The following TAF1 variants were observed in gnomAD, a reference collection of about 807,000 sequenced individuals.
TAF1 encodes TATA-box binding protein associated factor 1, also known as transcription initiation factor TFIID subunit 1.
A neutral mutation model predicts 138.5 loss-of-function variants in TAF1; 2 were observed. The observed-to-expected ratio is 0.01, with a 90% confidence interval of 0.01 to 0.05. The LOEUF is 0.05. Among genes scored for constraint, TAF1 ranks in the 10% least tolerant of loss-of-function variants. The probability of loss-of-function intolerance (pLI) is 1.00; values close to 1 mark genes in which losing one functional copy is unlikely to be tolerated. For missense variants in TAF1, 709 were observed against 1,478.0 expected (o/e 0.48, Z 8.53); for synonymous variants, 437 against 503.2 (o/e 0.87, Z 1.76).
At chrX:71,371,097 T>C (rs777095800) in intron 3 of TAF1, among the ~76,000 whole-genome samples, 1 of 111,637 alleles carries the variant, frequency 9.0e-6, no homozygotes, top group South Asian at 3.7e-4. Flanking sequence ...TCCAGGTTTG[T>C]GTTTGTTGTC....
intron 13 of TAF1, among the ~76,000 whole-genome samples, chrX:71,509,300 A>G (rs1279955624): frequency 8.9e-6 from 1 of 111,775 alleles, no homozygotes; most frequent in African/African-American, 3.3e-5. Context: ...CAAATGAAAA[A>G]TTATCAGGGT....
chrX:71,433,163 G>C (rs2036974018), intron 32 of TAF1, among the ~76,000 whole-genome samples: 1 of 112,415 alleles, frequency 8.9e-6, no homozygotes, highest in African/African-American at 3.2e-5. Context: ...GGAGTTGAAA[G>C]TTCCAGAGGT....
intron 36 of TAF1, among the ~76,000 whole-genome samples, chrX:71,460,058 G>C (rs938657504): frequency 2.7e-5 from 3 of 111,703 alleles, no homozygotes; most frequent in Non-Finnish European, 5.6e-5. Context: ...AGGCAACATA[G>C]CGAGACCCTG....
chrX:71,470,506 G>T (rs2038863268), downstream of TAF1, among the ~76,000 whole-genome samples: 1 of 109,044 alleles, frequency 9.2e-6, no homozygotes. Flanking sequence ...CTCCCAAAGT[G>T]CTGGGATTAC....
rs191893839 is a variant in TAF1 at position 71,382,142 on chromosome X, A to G, written c.1537+223A>G. ...AAAGTTGCAACTTTGAGATGTCAAG[A>G]GCATAGTTTGTTCCGTTAGTGAATC... On this transcript the variant is annotated intron_variant, in intron 9 of 37. Coordinates refer to ENST00000423759, the MANE Select transcript of TAF1 (RefSeq NM_004606.5). 5.5e-3 allele frequency among the ~76,000 whole-genome samples: 616 copies of G among 112,173 alleles called. 4 individuals carry two copies. Among genetic ancestry groups the G allele is most frequent in the Non-Finnish European group, 9.4e-3 (500 of 53,287 alleles).
In TAF1 at chrX:71,409,748, A is replaced by G. The variant is rs762351777; in HGVS notation, c.4384+1597A>G. On this transcript the variant is annotated intron_variant, in intron 28 of 37. Coordinates refer to ENST00000423759, the MANE Select transcript of TAF1 (RefSeq NM_004606.5). The stretch of plus-strand genomic sequence containing the variant: ...CCAATAACTGGCTCCCATACCCACT[A>G]TCGACCCCTGCCACACTCAGCATTA... 3.9e-3 allele frequency among the ~76,000 whole-genome samples: 433 copies of G among 111,067 alleles called. 3 individuals are homozygous for G. Among genetic ancestry groups the G allele is most frequent in the African/African-American group, 0.013 (410 of 30,577 alleles).
Position 71,398,833 on chromosome X carries a change from G to A in TAF1, c.3786+96G>A, listed in dbSNP as rs2034999406. Reference sequence around the variant, plus strand: ...GATATCCTCCTTTACTGGGAATGAGGGAAGTATATTGTGGAAAGCTGGTTT... The same window carrying A: ...GATATCCTCCTTTACTGGGAATGAGAGAAGTATATTGTGGAAAGCTGGTTT... On this transcript the variant is annotated intron_variant, in intron 24 of 37. Coordinates refer to ENST00000423759, the MANE Select transcript of TAF1 (RefSeq NM_004606.5). 33 of 1,067,675 alleles carry A rather than the reference G, an allele frequency of 3.1e-5. No individual in the cohort carries two copies. In the South Asian group the frequency reaches 8.5e-4, roughly 28 times the overall value. The allele number at this position is 1,067,675 out of a possible 1,213,427, so 88.0% of individuals were successfully genotyped here. A position where few individuals can be genotyped will look rare whatever the true frequency, so the allele number is the denominator to read the frequency against.
At chrX:71,380,227 T>A (rs2033794180) in intron 8 of TAF1, among the ~76,000 whole-genome samples, 1 of 110,755 alleles carries the variant, frequency 9.0e-6, no homozygotes, top group Non-Finnish European at 1.9e-5. Flanking sequence ...CATTTTTTAT[T>A]TTTCATTGTT....
intron 13 of TAF1, among the ~76,000 whole-genome samples, chrX:71,477,904 G>A (rs1004169854): frequency 7.2e-5 from 8 of 110,490 alleles, no homozygotes; most frequent in Non-Finnish European, 1.5e-4. Context: ...TAAGGCAGGA[G>A]ACTCACTTGA....
intron 32 of TAF1, among the ~76,000 whole-genome samples, chrX:71,445,832 G>A (rs1043955168): frequency 2.7e-5 from 3 of 110,518 alleles, no homozygotes; most frequent in Non-Finnish European, 3.8e-5. Context: ...ATGGATGTAT[G>A]TATCATAATT....
chrX:71,519,322 CA>C (rs771786502), intron 13 of TAF1, among the ~76,000 whole-genome samples: 261 of 56,919 alleles, frequency 4.6e-3, no homozygotes, highest in Middle Eastern at 0.011. Flanking sequence ...GACTCCGTCT[CA>C]AAAAAAAAAA....
chrX:71,464,684 C>T lies in TAF1; in HGVS notation c.*638C>T, dbSNP rs756886283. On this transcript the variant is annotated 3_prime_UTR_variant, in exon 38 of 38. Transcript: ENST00000423759. ...TCACGCCACTGCACTCCAGCCTGGG[C>T]GAAAGAGTGAGATTCAGTCTCAAAA... 24 of 125,100 alleles carry T rather than the reference C, an allele frequency of 1.9e-4. No homozygotes were observed. The highest frequency in any genetic ancestry group is 7.2e-4 in the African/African-American group (22 of 30,655). The allele number at this position is 125,100 out of a possible 1,213,427, so 10.3% of individuals were successfully genotyped here. A position where few individuals can be genotyped will look rare whatever the true frequency, so the allele number is the denominator to read the frequency against.
intron 1 of TAF1, 21 bp downstream of exon 1, chrX:71,366,515 G>T (rs1354819492): frequency 1.3e-4 from 55 of 418,634 alleles, no homozygotes; most frequent in Non-Finnish European, 1.9e-4. Flanking sequence ...GGGCGTGGGG[G>T]TAGGGCTCGG....
chrX:71,413,095 A>G (rs757281861), intron 28 of TAF1, among the ~76,000 whole-genome samples: 1 of 111,530 alleles, frequency 9.0e-6, no homozygotes, highest in East Asian at 2.8e-4. Context: ...GGATGTTCAC[A>G]TATTTGCAGA....
intron 25 of TAF1, among the ~76,000 whole-genome samples, chrX:71,402,474 A>G (rs974211466): frequency 1.8e-5 from 2 of 111,866 alleles, no homozygotes; most frequent in African/African-American, 6.5e-5. Context: ...CTTGTCCTCA[A>G]GTGATTCTCC....
At chrX:71,507,374 G>A (rs1005957660) in intron 13 of TAF1, among the ~76,000 whole-genome samples, 3 of 110,687 alleles carry the variant, frequency 2.7e-5, no homozygotes, top group African/African-American at 9.9e-5. Context: ...GGGACTACAG[G>A]TGTACCCCAC....
chrX:71,397,114 G>A, intron 22 of TAF1, 139 bp from the exon 23 acceptor site: 1 of 614,979 alleles, frequency 1.6e-6, no homozygotes, highest in Non-Finnish European at 2.6e-6. Flanking sequence ...TATTCTTGGG[G>A]CTGATGATGA....
chrX:71,506,512 G>A (rs549311221), intron 13 of TAF1, among the ~76,000 whole-genome samples: 6 of 107,908 alleles, frequency 5.6e-5, no homozygotes, highest in African/African-American at 1.7e-4. Context: ...GTGAAACCCC[G>A]TCTCTACTAT....
intron 13 of TAF1, among the ~76,000 whole-genome samples, chrX:71,508,086 C>CTCTCTCTA (rs4040068): frequency 1.0e-3 from 95 of 92,166 alleles, no homozygotes; most frequent in African/African-American, 2.1e-3. Context: ...CTCTCTCTCT[C>CTCTCTCTA]TATATATATA....
Sources: allele counts gnomAD v4.1 joint callset (sites outside exome capture counted in the v4.1 genomes callset), GRCh38; gene constraint gnomAD v4.1.1; transcripts MANE v1.5; gene names NCBI Gene and HGNC (gene_info 2026-07-23, HGNC 2026-07-21).